The following IPO11 variants were observed in gnomAD, a reference collection of about 807,000 sequenced individuals.
IPO11 encodes the protein importin-11.
Under a neutral mutation model 143.2 loss-of-function variants are expected in IPO11, and 66 were observed. The observed-to-expected ratio is 0.46, with a 90% CI of 0.38 to 0.57. The LOEUF (loss-of-function observed/expected upper bound fraction) is 0.57. IPO11 is among the 20% of genes least tolerant of loss of function. The pLI is 0.00. For missense variants in IPO11, 1,026 were observed against 1,141.0 expected, an observed-to-expected ratio of 0.90 and a Z score of 1.45; for synonymous variants, 385 against 377.8, an observed-to-expected ratio of 1.02 and a Z score of -0.22.
intron 27 of IPO11, among the ~76,000 whole-genome samples, chr5:62,589,087 T>C (rs1290574295): frequency 6.6e-6 from 1 of 152,190 alleles, no homozygotes; most frequent in Non-Finnish European, 1.5e-5. Flanking sequence ...GCCTCTGTTA[T>C]GATCCCACTT....
chr5:62,498,027 T>TG (rs1741219360), intron 16 of IPO11, among the ~76,000 whole-genome samples: 6 of 151,552 alleles, frequency 4.0e-5, no homozygotes, highest in African/African-American at 1.5e-4. Flanking sequence ...TGTTTTTTTT[T>TG]TTTGTTGTTG....
rs1401462604 is a variant in IPO11 at position 62,459,560 on chromosome 5, T to C, written c.517-7571T>C. Among the ~76,000 whole-genome samples, 4 of 152,020 alleles carry C rather than the reference T, an allele frequency of 2.6e-5. No homozygotes were observed. The East Asian group carries it at 5.8e-4, about 22-fold the overall frequency. The stretch of plus-strand genomic sequence containing the variant: ...GGAAGCGAATTTATACTTAAGCCTT[T>C]TTTTTTTTGAGACGGAGTCTTGCTC... On this transcript the variant is annotated intron_variant, in intron 5 of 29. Coordinates refer to ENST00000325324, the MANE Select transcript of IPO11 (RefSeq NM_016338.5).
intron 24 of IPO11, among the ~76,000 whole-genome samples, chr5:62,543,775 G>T (rs1743046045): frequency 6.6e-6 from 1 of 152,108 alleles, no homozygotes; most frequent in African/African-American, 2.4e-5. Context: ...TAATTGTGAT[G>T]TTAGGGTGTC....
At chr5:62,518,503 A>G (rs771716082) in intron 20 of IPO11, among the ~76,000 whole-genome samples, 3 of 151,622 alleles carry the variant, frequency 2.0e-5, no homozygotes, top group Admixed American at 6.6e-5. Context: ...AATCCCAGCT[A>G]TTTGGGAGGG....
At chr5:62,475,228 A>G (rs1470625666) in intron 8 of IPO11, among the ~76,000 whole-genome samples, 1 of 151,836 alleles carries the variant, frequency 6.6e-6, no homozygotes, top group South Asian at 2.1e-4. Context: ...AAAAAAAAAG[A>G]TTTCCCTGAG....
intron 29 of IPO11, among the ~76,000 whole-genome samples, chr5:62,618,952 C>T (rs560167125): frequency 5.3e-5 from 8 of 152,168 alleles, no homozygotes; most frequent in African/African-American, 9.6e-5. Context: ...AATGACAGGC[C>T]GGGCTGGGTG....
chr5:62,625,312 C>T (rs1043051930), intron 29 of IPO11, among the ~76,000 whole-genome samples: 1 of 152,218 alleles, frequency 6.6e-6, no homozygotes, highest in Non-Finnish European at 1.5e-5. Context: ...TGTCAAAAGG[C>T]TGTCATTACC....
chr5:62,553,064 A>G (rs548918834), intron 26 of IPO11, among the ~76,000 whole-genome samples: 6 of 152,106 alleles, frequency 3.9e-5, no homozygotes, highest in African/African-American at 7.2e-5. Flanking sequence ...CCTCCTATCT[A>G]TGTGTGATTT....
intron 21 of IPO11, 47 bp downstream of exon 21, chr5:62,526,304 T>C (rs1446054779): frequency 7.7e-7 from 1 of 1,298,686 alleles, no homozygotes; most frequent in Non-Finnish European, 1.1e-6. Context: ...ATTCGTGACC[T>C]TTCCTACTCT....
intron 1 of IPO11, among the ~76,000 whole-genome samples, chr5:62,417,778 A>T (rs1194108647): frequency 6.6e-6 from 1 of 152,184 alleles, no homozygotes; most frequent in East Asian, 1.9e-4. Flanking sequence ...CAACGCTGAC[A>T]TATGTAGTTG....
At chr5:62,514,748 A>G (rs1367717762) in intron 19 of IPO11, among the ~76,000 whole-genome samples, 1 of 152,204 alleles carries the variant, frequency 6.6e-6, no homozygotes, top group Admixed American at 6.5e-5. Flanking sequence ...ATCATTGTAG[A>G]TCCATTTTAT....
intron 29 of IPO11, among the ~76,000 whole-genome samples, chr5:62,611,800 C>T (rs1449363809): frequency 6.6e-6 from 1 of 152,082 alleles, no homozygotes; most frequent in African/African-American, 2.4e-5. Context: ...CATTAGACTG[C>T]CTTCATGGCA....
chr5:62,501,777 A>G (rs927280830), intron 16 of IPO11, among the ~76,000 whole-genome samples: 3 of 152,204 alleles, frequency 2.0e-5, no homozygotes, highest in African/African-American at 7.2e-5. Flanking sequence ...GGGATAGGAA[A>G]GAACCCAAGA....
intron 5 of IPO11, among the ~76,000 whole-genome samples, chr5:62,465,738 G>A (rs1745551179): frequency 6.6e-6 from 1 of 152,196 alleles, no homozygotes. Flanking sequence ...GAAGGGCCAA[G>A]GCATCCCTGA....
intron 9 of IPO11, among the ~76,000 whole-genome samples, chr5:62,477,985 C>G (rs986550376): frequency 6.6e-6 from 1 of 152,082 alleles, no homozygotes; most frequent in South Asian, 2.1e-4. Context: ...AACTTTGAGT[C>G]TTCATGACAT....
In IPO11 at chr5:62,467,236, C is replaced by T. The variant is rs571439807; in HGVS notation, c.622C>T (p.Leu208=). The T allele has an allele frequency of 1.2e-6, 2 of 1,613,810 alleles. No individual in the cohort carries two copies. The highest frequency in any genetic ancestry group is 2.7e-5 in the African/African-American group (2 of 74,924). Residue 208 remains leucine, a synonymous_variant, in exon 6 of 30, where the codon CTA becomes TTA. Transcript: ENST00000325324. ...CAATGAAGCTGCAATTTTGAGTTCA[C>T]TAGAACGAACACTGCTATCATTGAA... is the stretch of plus-strand genomic sequence containing the variant. The part of the protein sequence containing the change: ...SGNEAAILSS[L]ERTLLSLKVL...
intron 19 of IPO11, among the ~76,000 whole-genome samples, chr5:62,509,753 A>T (rs1195146627): frequency 6.6e-6 from 1 of 152,214 alleles, no homozygotes; most frequent in Non-Finnish European, 1.5e-5. Context: ...GTATATATGC[A>T]ATTGTGTGTG....
intron 24 of IPO11, among the ~76,000 whole-genome samples, chr5:62,545,346 G>A (rs537662919): frequency 6.6e-6 from 1 of 152,104 alleles, no homozygotes; most frequent in East Asian, 1.9e-4. Context: ...CAAGCAATGG[G>A]GAAAGGATTC....
At chr5:62,584,486 G>C (rs1744688329) in intron 27 of IPO11, among the ~76,000 whole-genome samples, 1 of 151,850 alleles carries the variant, frequency 6.6e-6, no homozygotes, top group Non-Finnish European at 1.5e-5. Context: ...GGTGGCCTGT[G>C]CCCGTAGTCC....
Sources: gnomAD v4.1 joint callset for allele counts (sites outside exome capture counted in the v4.1 genomes callset) on GRCh38, gnomAD v4.1.1 for gene constraint, MANE v1.5 for transcripts, NCBI Gene and HGNC (gene_info 2026-07-23, HGNC 2026-07-21) for gene names.